ALOX5AP: variants seen among roughly 807,000 people sequenced by gnomAD.
ALOX5AP encodes the protein arachidonate 5-lipoxygenase-activating protein.
A neutral mutation model predicts 18.5 loss-of-function variants in ALOX5AP; 9 were observed. That is an observed-to-expected ratio of 0.49 (90% CI 0.29 to 0.85). The LOEUF (loss-of-function observed/expected upper bound fraction) is 0.85. Ranked by LOEUF, ALOX5AP falls within the 40% of genes least tolerant of loss-of-function variation. The pLI, the probability that ALOX5AP is intolerant of heterozygous loss-of-function variation, is 0.08. For synonymous variants in ALOX5AP, 81 were observed against 78.6 expected (o/e 1.03, Z -0.16); for missense variants, 172 against 202.5 (o/e 0.85, Z 0.91).
intron 3 of ALOX5AP, 142 bp from the exon 4 acceptor site, chr13:30,755,802 T>C (rs1951888584): frequency 1.4e-6 from 1 of 720,654 alleles, no homozygotes; most frequent in African/African-American, 1.8e-5. Context: ...GGTTCTCAGG[T>C]TTCCTCTAGC....
upstream of ALOX5AP, among the ~76,000 whole-genome samples, chr13:30,731,890 A>T (rs1951684500): frequency 6.6e-6 from 1 of 152,222 alleles, no homozygotes; most frequent in Non-Finnish European, 1.5e-5. Context: ...CCGGGCAGGC[A>T]GGGCGGGCTG....
intron 1 of ALOX5AP, among the ~76,000 whole-genome samples, chr13:30,718,078 G>C (rs200176655): frequency 1.3e-5 from 2 of 151,772 alleles, no homozygotes; most frequent in East Asian, 1.9e-4. Flanking sequence ...TCCTGCCTCA[G>C]CCTCCCGAGT....
chr13:30,746,152 T>A (rs1421819329), intron 2 of ALOX5AP, among the ~76,000 whole-genome samples: 5 of 152,158 alleles, frequency 3.3e-5, no homozygotes, highest in Non-Finnish European at 5.9e-5. Context: ...TGCCCTTTGG[T>A]TGGTGGCTAT....
intron 2 of ALOX5AP, among the ~76,000 whole-genome samples, chr13:30,747,316 A>G (rs1951817137): frequency 6.6e-6 from 1 of 152,224 alleles, no homozygotes; most frequent in Non-Finnish European, 1.5e-5. Flanking sequence ...AGCTGGGATT[A>G]TAGGCACATG....
intron 1 of ALOX5AP, among the ~76,000 whole-genome samples, chr13:30,715,672 G>A (rs984636996): frequency 2.6e-5 from 4 of 152,318 alleles, no homozygotes; most frequent in African/African-American, 4.8e-5. Context: ...GGCCACATTC[G>A]TGTTGGGGCG....
rs59980433 is a variant in ALOX5AP at position 30,741,103 on chromosome 13, C to CTTTTTTTTTTTTTTTTTTTTTTT, written c.71-2944_71-2922dup. On this transcript the variant is annotated intron_variant, in intron 1 of 4. Coordinates refer to ENST00000380490, the MANE Select transcript of ALOX5AP (RefSeq NM_001629.4). ...TTAACCTACACACATCCTCCATATC[C>CTTTTTTTTTTTTTTTTTTTTTTT]TTTTTTTTTTTTTTTTTTTTTTTTT... is the stretch of plus-strand genomic sequence containing the variant. Among the ~76,000 whole-genome samples the CTTTTTTTTTTTTTTTTTTTTTTT allele has an allele frequency of 9.4e-5, 6 of 63,968 alleles. 1 individual carries two copies. Among genetic ancestry groups the CTTTTTTTTTTTTTTTTTTTTTTT allele is most frequent in the Admixed American group, 4.6e-4 (2 of 4,380 alleles). The allele number at this position is 63,968 out of a possible 152,430, so 42.0% of individuals were successfully genotyped here. A position where few individuals can be genotyped will look rare whatever the true frequency, so the allele number is the denominator to read the frequency against.
intron 1 of ALOX5AP, among the ~76,000 whole-genome samples, chr13:30,742,859 G>GCCCCCCCCCCCCCCCC (rs11316477): frequency 2.5e-4 from 27 of 105,938 alleles, no homozygotes; most frequent in Admixed American, 4.2e-4. Flanking sequence ...GACCTTCACC[G>GCCCCCCCCCCCCCCCC]CCCCCCCCCC....
chr13:30,742,034 C>T (rs1470443055), intron 1 of ALOX5AP, among the ~76,000 whole-genome samples: 2 of 152,074 alleles, frequency 1.3e-5, no homozygotes, highest in East Asian at 1.9e-4. Flanking sequence ...CCCTGTGGAG[C>T]TGGCTGGGCC....
At chr13:30,727,575 G>A (rs1202661404) in intron 1 of ALOX5AP, among the ~76,000 whole-genome samples, 1 of 152,190 alleles carries the variant, frequency 6.6e-6, no homozygotes, top group Non-Finnish European at 1.5e-5. Flanking sequence ...TTTACACTAA[G>A]CAGGTCGGGG....
At chr13:30,726,574 AG>A (rs1312930848) in intron 1 of ALOX5AP, among the ~76,000 whole-genome samples, 2 of 152,226 alleles carry the variant, frequency 1.3e-5, no homozygotes, top group Admixed American at 6.5e-5. Context: ...GAGTAGTGGA[AG>A]GTAGTTATAA....
intron 2 of ALOX5AP, 73 bp downstream of exon 2, chr13:30,744,232 A>C: frequency 7.7e-7 from 1 of 1,291,160 alleles, no homozygotes; most frequent in Non-Finnish European, 1.1e-6. Context: ...AGTGATGACC[A>C]CCCTTAATAC....
At chr13:30,736,975 G>A (rs9315043) in intron 1 of ALOX5AP, among the ~76,000 whole-genome samples, 4,683 of 152,194 alleles carry the variant, frequency 0.031, 152 homozygotes, top group African/African-American at 0.074. Context: ...GGGTACAGGC[G>A]GATAGAGCAG....
chr13:30,723,920 C>T (rs1951615815), intron 1 of ALOX5AP, among the ~76,000 whole-genome samples: 1 of 152,066 alleles, frequency 6.6e-6, no homozygotes, highest in South Asian at 2.1e-4. Context: ...TTGAAATGCT[C>T]TTTTAAAATC....
Position 30,744,034 on chromosome 13 carries a change from CA to C in ALOX5AP, c.71-25del, listed in dbSNP as rs374627262. On this transcript the variant is annotated intron_variant, in intron 1 of 4. Transcript: ENST00000380490. Reference sequence around the variant, plus strand: ...GCTCCTGAACATGCCCACAATGAACCAGATGCAAACCTTTTCCCTTGGCAGG... The same window carrying C: ...GCTCCTGAACATGCCCACAATGAACCGATGCAAACCTTTTCCCTTGGCAGG... 1.4e-4 allele frequency: 227 copies of C among 1,597,150 alleles called. No individual in the cohort carries two copies. In the African/African-American group the frequency reaches 2.8e-3, roughly 20 times the overall value.
chr13:30,719,090 T>C (rs1242253738), intron 1 of ALOX5AP, among the ~76,000 whole-genome samples: 1 of 152,230 alleles, frequency 6.6e-6, no homozygotes, highest in East Asian at 1.9e-4. Flanking sequence ...GTCTGAGTCC[T>C]GTCTCAGTTG....
chr13:30,759,940 A>T (rs185602783), intron 4 of ALOX5AP, among the ~76,000 whole-genome samples: 10 of 152,312 alleles, frequency 6.6e-5, no homozygotes, highest in African/African-American at 1.9e-4. Flanking sequence ...ATTCTCAGAT[A>T]ACACATTCTT....
At chr13:30,758,846 G>C (rs1951918029) in intron 4 of ALOX5AP, among the ~76,000 whole-genome samples, 1 of 149,410 alleles carries the variant, frequency 6.7e-6, no homozygotes, top group Admixed American at 6.7e-5. Context: ...ACATAGTCTT[G>C]CTCTGTCACC....
chr13:30,755,800 G>A (rs1951888522), intron 3 of ALOX5AP, 144 bp from the exon 4 acceptor site: 1 of 714,028 alleles, frequency 1.4e-6, no homozygotes, highest in Non-Finnish European at 2.4e-6. Context: ...AAGGTTCTCA[G>A]GTTTCCTCTA....
intron 3 of ALOX5AP, among the ~76,000 whole-genome samples, chr13:30,755,463 AC>A (rs1239122470): frequency 6.6e-6 from 1 of 152,166 alleles, no homozygotes; most frequent in East Asian, 1.9e-4. Context: ...AAATGTGGGT[AC>A]TAGTTATGTT....
Sources: gnomAD v4.1 joint callset for allele counts (sites outside exome capture counted in the v4.1 genomes callset) on GRCh38, gnomAD v4.1.1 for gene constraint, MANE v1.5 for transcripts, NCBI Gene and HGNC (gene_info 2026-07-23, HGNC 2026-07-21) for gene names.